TG: variants seen among roughly 807,000 people sequenced by gnomAD.
TG encodes thyroglobulin.
In TG, 270 loss-of-function variants were observed where a neutral mutation model predicts 324.7. The ratio of observed to expected loss-of-function variants is 0.83; its 90% CI spans 0.75 to 0.92. The LOEUF (loss-of-function observed/expected upper bound fraction) is 0.92. TG is among the 40% of genes least tolerant of loss of function. TG has a pLI of 0.00. For synonymous variants in TG, 1,401 were observed against 1,327.0 expected (o/e 1.06, Z -1.21); for missense variants, 3,591 against 3,456.4 (o/e 1.04, Z -0.98).
intron 3 of TG, 152 bp from the exon 4 acceptor site, chr8:132,871,196 T>C: frequency 1.3e-6 from 1 of 776,116 alleles, no homozygotes; most frequent in Non-Finnish European, 2.2e-6. Flanking sequence ...GCTAGGCCTG[T>C]TCTGTGGCTG....
At chr8:133,049,729 G>C in intron 41 of TG, 1 of 611,698 alleles carries the variant, frequency 1.6e-6, no homozygotes, top group Non-Finnish European at 2.9e-6. Context: ...GAGCAGAAGA[G>C]ATAAGTTAGC....
At chr8:133,067,322 T>C (rs886791517) in intron 41 of TG, among the ~76,000 whole-genome samples, 8 of 151,934 alleles carry the variant, frequency 5.3e-5, no homozygotes, top group African/African-American at 1.9e-4. Context: ...GCTTCTCCTT[T>C]CTCTACACTG....
intron 35 of TG, chr8:133,003,137 C>A (rs1266094316): frequency 9.2e-6 from 5 of 540,824 alleles, no homozygotes; most frequent in Non-Finnish European, 1.2e-5. Flanking sequence ...TTTTTAACAG[C>A]TGAAAATAAA....
At chr8:132,977,193 T>A (rs755389361) in intron 34 of TG, among the ~76,000 whole-genome samples, 2 of 152,158 alleles carry the variant, frequency 1.3e-5, no homozygotes, top group Non-Finnish European at 2.9e-5. Context: ...TATTAGGTAA[T>A]TGCATACATA....
At chr8:133,097,585 G>A (rs1469828748) in intron 43 of TG, among the ~76,000 whole-genome samples, 1 of 152,128 alleles carries the variant, frequency 6.6e-6, no homozygotes, top group Non-Finnish European at 1.5e-5. Flanking sequence ...AATTAAGATA[G>A]CATTCATATT....
chr8:132,984,246 C>G (rs1032585877), intron 35 of TG, among the ~76,000 whole-genome samples: 1 of 152,202 alleles, frequency 6.6e-6, no homozygotes, highest in Non-Finnish European at 1.5e-5. Context: ...GCTGGAGAGA[C>G]AGAATATAGC....
At chr8:133,040,049 C>G in intron 41 of TG, 4 of 1,553,136 alleles carry the variant, frequency 2.6e-6, no homozygotes, top group Middle Eastern at 1.7e-4. Context: ...GACAGGTGAG[C>G]TGGAGGCCCT....
chr8:133,065,125 C>A (rs1025043266), intron 41 of TG, among the ~76,000 whole-genome samples: 3 of 152,156 alleles, frequency 2.0e-5, no homozygotes, highest in African/African-American at 7.2e-5. Flanking sequence ...AGTGGAGAAG[C>A]CTCAATGTCC....
At chr8:132,879,149 G>C (rs1814281367) in intron 5 of TG, among the ~76,000 whole-genome samples, 1 of 152,190 alleles carries the variant, frequency 6.6e-6, no homozygotes, top group Non-Finnish European at 1.5e-5. Flanking sequence ...ATGCATAGAT[G>C]GTGATATCAT....
chr8:132,960,967 A>G (rs1180202859), intron 27 of TG, 41 bp from the exon 28 acceptor site: 2 of 1,596,156 alleles, frequency 1.3e-6, no homozygotes. Context: ...ACCCAGTGAC[A>G]GCACACTCAA....
chr8:132,984,215 A>T (rs1397329137), intron 35 of TG, among the ~76,000 whole-genome samples: 1 of 152,274 alleles, frequency 6.6e-6, no homozygotes. Context: ...GAAATCTGTC[A>T]TTATGGCTAT....
In TG at chr8:132,972,631, T is replaced by G; in HGVS notation, c.6089T>G (p.Leu2030Trp). The G allele has an allele frequency of 1.2e-6, 2 of 1,613,050 alleles. No homozygotes were observed. The highest frequency in any genetic ancestry group is 1.7e-6 in the Non-Finnish European group (2 of 1,179,624). The change falls in exon 34 of 48, where the codon TTG (leucine) becomes TGG (tryptophan). Residue 2030 changes from leucine to tryptophan, a missense_variant. Physicochemically the swap from Leu to Trp is moderately conservative, Grantham distance 61. Coordinates refer to ENST00000220616, the MANE Select transcript of TG (RefSeq NM_003235.5). ...GEVTCLTLNS[L>W]GIQMCSEENG... ...GTGACATGTCTCACTCTGAACAGCT[T>G]GGGAATTCAGATGTGCAGTGAGGAG... is the stretch of plus-strand genomic sequence containing the variant.
rs776058819 is a variant in TG at position 132,898,827 on chromosome 8, A to G, written c.3247A>G (p.Ser1083Gly). The G allele has an allele frequency of 8.1e-6, 13 of 1,614,022 alleles. No homozygotes were observed. The African/African-American group carries it at 1.7e-4, about 22-fold the overall frequency. ...CPTTCEKSRT[S>G]GLLSSWKQAR... ...GACAACCTGCGAGAAATCTCGAACC[A>G]GTGGGCTGCTTTCCAGTTGGAAACA... Residue 1083 changes from serine (S) to glycine (G), a missense_variant, in exon 14 of 48, where the codon AGT becomes GGT. Transcript: ENST00000220616.
At chr8:133,056,055 G>A (rs1159755324) in intron 41 of TG, among the ~76,000 whole-genome samples, 1 of 152,168 alleles carries the variant, frequency 6.6e-6, no homozygotes. Flanking sequence ...CTGAGTGCCA[G>A]GTTTCAAAAC....
At chr8:133,034,808 A>C (rs1044482324) in intron 41 of TG, among the ~76,000 whole-genome samples, 2 of 152,100 alleles carry the variant, frequency 1.3e-5, no homozygotes, top group African/African-American at 4.8e-5. Context: ...CAGGGCTTCC[A>C]GATAGTAGGG....
intron 41 of TG, among the ~76,000 whole-genome samples, chr8:133,042,028 C>G (rs1252592696): frequency 6.6e-6 from 1 of 151,854 alleles, no homozygotes; most frequent in Non-Finnish European, 1.5e-5. Flanking sequence ...ACCTCATGAT[C>G]CACCCACCTC....
chr8:132,951,864 T>TG (rs1174939134), intron 27 of TG, among the ~76,000 whole-genome samples: 3 of 152,114 alleles, frequency 2.0e-5, no homozygotes, highest in Non-Finnish European at 2.9e-5. Context: ...AACTACAGCG[T>TG]GAAGAACTGA....
intron 41 of TG, chr8:133,072,864 A>T (rs773503008): frequency 2.0e-5 from 3 of 152,214 alleles, no homozygotes; most frequent in Admixed American, 6.5e-5. Context: ...CAGAGGGAGG[A>T]ACAAGCAGAA....
chr8:132,918,128 G>T (rs1054841545), intron 20 of TG, among the ~76,000 whole-genome samples: 1 of 152,096 alleles, frequency 6.6e-6, no homozygotes, highest in Non-Finnish European at 1.5e-5. Flanking sequence ...GGGTGGAAAA[G>T]ACTTGACGTC....
Sources: allele counts gnomAD v4.1 joint callset (sites outside exome capture counted in the v4.1 genomes callset), GRCh38; gene constraint gnomAD v4.1.1; transcripts MANE v1.5; gene names NCBI Gene and HGNC (gene_info 2026-07-23, HGNC 2026-07-21).